The following PLCB1 variants were observed in gnomAD, a reference collection of about 807,000 sequenced individuals.
PLCB1 encodes phospholipase C beta 1, also known as 1-phosphatidylinositol 4,5-bisphosphate phosphodiesterase beta-1.
PLCB1 carries 46 observed loss-of-function variants against 161.8 expected under a neutral mutation model. The ratio of observed to expected loss-of-function variants is 0.28; its 90% CI spans 0.22 to 0.36. The LOEUF (loss-of-function observed/expected upper bound fraction) is 0.36. Among genes scored for constraint, PLCB1 ranks in the 10% least tolerant of loss-of-function variants. PLCB1 has a pLI of 1.00. For missense variants in PLCB1, 1,016 were observed against 1,472.5 expected, an observed-to-expected ratio of 0.69 and a Z score of 5.07; for synonymous variants, 517 against 503.7, an observed-to-expected ratio of 1.03 and a Z score of -0.35.
intron 3 of PLCB1, among the ~76,000 whole-genome samples, chr20:8,556,499 AC>A (rs1428905406): frequency 1.3e-5 from 2 of 152,052 alleles, no homozygotes; most frequent in Admixed American, 1.3e-4. Flanking sequence ...ATAATAGAAA[AC>A]CTAAAAAGTG....
intron 3 of PLCB1, among the ~76,000 whole-genome samples, chr20:8,500,837 T>C (rs1349905586): frequency 6.6e-6 from 1 of 152,226 alleles, no homozygotes; most frequent in African/African-American, 2.4e-5. Flanking sequence ...AGACATAGTT[T>C]CTTCTTCCAT....
intron 31 of PLCB1, among the ~76,000 whole-genome samples, chr20:8,821,935 A>C (rs552511634): frequency 6.6e-6 from 1 of 152,186 alleles, no homozygotes; most frequent in Admixed American, 6.5e-5. Context: ...CAATTCCTCC[A>C]GATATCTCCA....
chr20:8,295,535 A>T (rs534451997), intron 2 of PLCB1, among the ~76,000 whole-genome samples: 1 of 152,230 alleles, frequency 6.6e-6, no homozygotes, highest in South Asian at 2.1e-4. Context: ...AGGCTCTATT[A>T]TGGACCAAAT....
intron 1 of PLCB1, among the ~76,000 whole-genome samples, chr20:8,134,613 A>T (rs926963240): frequency 6.6e-6 from 1 of 152,146 alleles, no homozygotes; most frequent in African/African-American, 2.4e-5. Context: ...GGGTGGTGAA[A>T]AAAGTAGACA....
chr20:8,172,725 T>G (rs2051745260), intron 2 of PLCB1, among the ~76,000 whole-genome samples: 1 of 152,196 alleles, frequency 6.6e-6, no homozygotes, highest in African/African-American at 2.4e-5. Context: ...TTCTTTGTTC[T>G]TCTTCCCTAA....
chr20:8,608,968 A>G (rs146298990), intron 3 of PLCB1, among the ~76,000 whole-genome samples: 1 of 152,196 alleles, frequency 6.6e-6, no homozygotes, highest in African/African-American at 2.4e-5. Flanking sequence ...TAAGCATCTT[A>G]ATCTTTTCAA....
chr20:8,161,571 C>T (rs1240272824), intron 2 of PLCB1, among the ~76,000 whole-genome samples: 3 of 152,256 alleles, frequency 2.0e-5, no homozygotes, highest in African/African-American at 4.8e-5. Context: ...TTAAGTTTGC[C>T]TGCAGGATTT....
In PLCB1 at chr20:8,132,794, C is replaced by A. The variant is rs752258928; in HGVS notation, c.99+44C>A. 44 of 1,331,716 alleles carry A rather than the reference C, an allele frequency of 3.3e-5. No homozygotes were observed. The highest frequency in any genetic ancestry group is 6.4e-6 in the Non-Finnish European group (6 of 933,292). 82.5% of individuals were successfully genotyped at this position (1,331,716 alleles called of 1,614,324 possible). A position where few individuals can be genotyped will look rare whatever the true frequency, so the allele number is the denominator to read the frequency against. Reference sequence around the variant, plus strand: ...CGAGTCGGGGCGCTGGCTCGGGCACCGGGCAGGGCGGGCGTCGTGGGGGTG... The same window carrying A: ...CGAGTCGGGGCGCTGGCTCGGGCACAGGGCAGGGCGGGCGTCGTGGGGGTG... On this transcript the variant is annotated intron_variant, in intron 1 of 31. Coordinates refer to ENST00000338037, the MANE Select transcript of PLCB1 (RefSeq NM_015192.4). The surrounding 1 kb of genome is among the most constrained non-coding windows in gnomAD (Gnocchi z 5.2).
At chr20:8,825,813 T>A (rs142949292) in intron 31 of PLCB1, among the ~76,000 whole-genome samples, 1,776 of 152,264 alleles carry the variant, frequency 0.012, 20 homozygotes, top group Middle Eastern at 0.031. Flanking sequence ...GGCAAGAGAC[T>A]CTGGCAGTGT....
At chr20:8,611,223 T>C (rs1017386923) in intron 3 of PLCB1, among the ~76,000 whole-genome samples, 3 of 152,094 alleles carry the variant, frequency 2.0e-5, no homozygotes, top group African/African-American at 7.2e-5. Flanking sequence ...GAAAAAAATA[T>C]TGTGTTTTGA....
intron 2 of PLCB1, among the ~76,000 whole-genome samples, chr20:8,203,392 T>G (rs146274709): frequency 6.6e-6 from 1 of 152,168 alleles, no homozygotes; most frequent in Non-Finnish European, 1.5e-5. Flanking sequence ...AATTGTTTTA[T>G]TTTTAAAATA....
In PLCB1 at chr20:8,146,699, G is replaced by GT. The variant is rs1178718642; in HGVS notation, c.100-3591dup. 5.3e-5 allele frequency among the ~76,000 whole-genome samples: 8 copies of GT among 152,176 alleles called. No homozygotes were observed. The East Asian group carries it at 1.5e-3, about 29-fold the overall frequency. On this transcript the variant is annotated intron_variant, in intron 1 of 31. Coordinates refer to ENST00000338037, the MANE Select transcript of PLCB1 (RefSeq NM_015192.4). ...GTTTCTCATTCTTCAGGATTTCGAGGTTTTGTTAAGGTCTTTTGCTTTGCC... is the reference window on the plus strand; with the variant it reads ...GTTTCTCATTCTTCAGGATTTCGAGGTTTTTGTTAAGGTCTTTTGCTTTGCC...
At chr20:8,631,718 T>G (rs533186805) in intron 4 of PLCB1, among the ~76,000 whole-genome samples, 34 of 152,308 alleles carry the variant, frequency 2.2e-4, no homozygotes, top group African/African-American at 8.2e-4. Context: ...TTCAGAAGTT[T>G]TATAATAGGC....
intron 31 of PLCB1, among the ~76,000 whole-genome samples, chr20:8,871,895 C>G (rs1195218312): frequency 6.6e-6 from 1 of 152,068 alleles, no homozygotes; most frequent in African/African-American, 2.4e-5. Flanking sequence ...TATGTATGAT[C>G]TTGTTTAAAC....
chr20:8,141,026 G>A (rs1218961032), intron 1 of PLCB1, among the ~76,000 whole-genome samples: 2 of 152,038 alleles, frequency 1.3e-5, no homozygotes, highest in Admixed American at 6.6e-5. Context: ...TCAAACTCCT[G>A]ATGTCATGAT....
At chr20:8,496,211 A>C (rs1390396057) in intron 3 of PLCB1, among the ~76,000 whole-genome samples, 1 of 151,958 alleles carries the variant, frequency 6.6e-6, no homozygotes, top group Non-Finnish European at 1.5e-5. Context: ...AATGTGGAGT[A>C]GCTGGACGTG....
rs1307400912 is a variant in PLCB1, at chr20:8,355,749, G to A, written c.178-15633G>A. On this transcript the variant is annotated intron_variant, in intron 2 of 31. Transcript: ENST00000338037. ...ACTCACCTGTATGGAGAGAAGAGTAGCACCATTATAGTAAGGACTCCTGCA... is the reference window on the plus strand; with the variant it reads ...ACTCACCTGTATGGAGAGAAGAGTAACACCATTATAGTAAGGACTCCTGCA... 2.0e-5 allele frequency among the ~76,000 whole-genome samples: 3 copies of A among 152,286 alleles called. No homozygotes were observed. The East Asian group carries it at 5.8e-4, about 29-fold the overall frequency.
chr20:8,693,784 G>C (rs1326895147), intron 10 of PLCB1, among the ~76,000 whole-genome samples: 1 of 152,100 alleles, frequency 6.6e-6, no homozygotes, highest in African/African-American at 2.4e-5. Context: ...GGATGCCTTG[G>C]GTAATCTGAG....
intron 3 of PLCB1, among the ~76,000 whole-genome samples, chr20:8,507,490 A>G (rs1185846648): frequency 6.6e-6 from 1 of 152,216 alleles, no homozygotes; most frequent in African/African-American, 2.4e-5. Context: ...CTGAGAAGTA[A>G]TAGTTACAAT....
Sources: gnomAD v4.1 joint callset for allele counts (sites outside exome capture counted in the v4.1 genomes callset) on GRCh38, gnomAD v4.1.1 for gene constraint, Gnocchi (gnomAD v3.1) non-coding constraint, MANE v1.5 for transcripts, NCBI Gene and HGNC (gene_info 2026-07-23, HGNC 2026-07-21) for gene names.